The following SGCZ variants were observed in gnomAD, a reference collection of about 807,000 sequenced individuals.
The protein encoded by SGCZ is zeta-sarcoglycan.
A neutral mutation model predicts 41.3 loss-of-function variants in SGCZ; 40 were observed. The observed-to-expected ratio is 0.97, with a 90% confidence interval of 0.75 to 1.26. The LOEUF (loss-of-function observed/expected upper bound fraction) is 1.26. Ranked by LOEUF, SGCZ falls within the 50% of genes most tolerant of loss-of-function variation. The pLI is 0.00. For missense variants in SGCZ, 552 were observed against 369.8 expected, an observed-to-expected ratio of 1.49 and a Z score of -4.04; for synonymous variants, 206 against 137.5, an observed-to-expected ratio of 1.50 and a Z score of -3.49.
intron 2 of SGCZ, among the ~76,000 whole-genome samples, chr8:14,401,113 C>T (rs1049603036): frequency 1.3e-5 from 2 of 152,090 alleles, no homozygotes; most frequent in African/African-American, 4.8e-5. Flanking sequence ...GATACAGCTC[C>T]ATTTACACTT....
chr8:14,678,100 T>C (rs1027008325), intron 1 of SGCZ, among the ~76,000 whole-genome samples: 3 of 152,084 alleles, frequency 2.0e-5, no homozygotes, highest in African/African-American at 7.2e-5. Context: ...TCAAGTAACA[T>C]AGGAGAAAAT....
intron 7 of SGCZ, among the ~76,000 whole-genome samples, chr8:14,092,162 G>A (rs1432063185): frequency 2.0e-5 from 3 of 152,036 alleles, no homozygotes; most frequent in African/African-American, 4.8e-5. Flanking sequence ...CCTCTGTTCT[G>A]TTCCATTGGT....
chr8:14,210,532 G>C (rs34604718), intron 4 of SGCZ, among the ~76,000 whole-genome samples: 36,148 of 151,212 alleles, frequency 0.24, 5,548 homozygotes, highest in Non-Finnish European at 0.34. Context: ...GTGCGATCTC[G>C]GCTCACCACA....
chr8:14,108,823 G>A (rs1038862356), intron 5 of SGCZ, among the ~76,000 whole-genome samples: 21 of 152,262 alleles, frequency 1.4e-4, no homozygotes, highest in African/African-American at 4.1e-4. Flanking sequence ...ATTTATAAAA[G>A]TCAAAAGTCA....
chr8:14,532,657 G>T (rs190288979), intron 2 of SGCZ, among the ~76,000 whole-genome samples: 1 of 137,300 alleles, frequency 7.3e-6, no homozygotes, highest in Admixed American at 8.1e-5. Flanking sequence ...GGCTCATTGA[G>T]AGTTTAGGGA....
At chr8:14,217,688 G>A (rs1389532825) in intron 4 of SGCZ, among the ~76,000 whole-genome samples, 3 of 144,562 alleles carry the variant, frequency 2.1e-5, no homozygotes, top group African/African-American at 2.5e-5. Context: ...GGAGTGCAGC[G>A]GTGTGATCTC....
At chr8:14,796,827 G>T (rs1029134342) in intron 1 of SGCZ, among the ~76,000 whole-genome samples, 47 of 152,040 alleles carry the variant, frequency 3.1e-4, no homozygotes, top group Non-Finnish European at 2.9e-5. Context: ...CGTTGGTTTC[G>T]CCCATGCTAC....
At chr8:15,153,406 A>G (rs775411619) in intron 1 of SGCZ, among the ~76,000 whole-genome samples, 2 of 152,196 alleles carry the variant, frequency 1.3e-5, no homozygotes, top group Non-Finnish European at 2.9e-5. Context: ...TCACTTTAGT[A>G]ACGTGAGAAT....
At chr8:15,107,648 CT>C (rs142522582) in intron 1 of SGCZ, among the ~76,000 whole-genome samples, 4 of 151,990 alleles carry the variant, frequency 2.6e-5, no homozygotes, top group African/African-American at 9.7e-5. Context: ...CTACATAAAC[CT>C]TTTTTTTGTT....
intron 1 of SGCZ, among the ~76,000 whole-genome samples, chr8:14,613,523 G>C (rs1035404286): frequency 6.6e-6 from 1 of 152,054 alleles, no homozygotes; most frequent in Non-Finnish European, 1.5e-5. Context: ...CTTGCAAATA[G>C]TATTTTGTTT....
chr8:14,677,235 G>A (rs1209098958), intron 1 of SGCZ, among the ~76,000 whole-genome samples: 6 of 151,726 alleles, frequency 4.0e-5, no homozygotes, highest in African/African-American at 2.4e-5. Context: ...AAAATACTTA[G>A]AAGTAAATCT....
chr8:15,012,715 TA>T (rs1184597603), intron 1 of SGCZ, among the ~76,000 whole-genome samples: 2 of 144,154 alleles, frequency 1.4e-5, no homozygotes, highest in East Asian at 4.0e-4. Flanking sequence ...ATAAATGTTA[TA>T]AAGAGAAATA....
intron 2 of SGCZ, among the ~76,000 whole-genome samples, chr8:14,448,296 G>T (rs535921569): frequency 6.6e-6 from 1 of 152,236 alleles, no homozygotes; most frequent in East Asian, 1.9e-4. Flanking sequence ...TCATCAAAAC[G>T]AACTGCATGG....
intron 2 of SGCZ, among the ~76,000 whole-genome samples, chr8:14,464,952 G>A (rs1801007841): frequency 6.6e-6 from 1 of 151,298 alleles, no homozygotes; most frequent in Non-Finnish European, 1.5e-5. Context: ...CACTTTTTAT[G>A]GTATCTATAT....
intron 1 of SGCZ, among the ~76,000 whole-genome samples, chr8:15,031,622 C>A (rs555831556): frequency 6.6e-6 from 1 of 152,126 alleles, no homozygotes; most frequent in East Asian, 1.9e-4. Context: ...GTGAGGCTTC[C>A]CACACTGGCA....
intron 3 of SGCZ, among the ~76,000 whole-genome samples, chr8:14,244,396 T>C (rs1457423898): frequency 6.6e-6 from 1 of 152,176 alleles, no homozygotes; most frequent in Non-Finnish European, 1.5e-5. Context: ...GCTACGTCAT[T>C]CCTTTCCTTA....
chr8:14,468,463 CTT>C (rs935734847), intron 2 of SGCZ, among the ~76,000 whole-genome samples: 1 of 152,002 alleles, frequency 6.6e-6, no homozygotes, highest in African/African-American at 2.4e-5. Flanking sequence ...TTCAATGCCT[CTT>C]TTTAAAATGG....
intron 1 of SGCZ, among the ~76,000 whole-genome samples, chr8:14,997,069 T>C (rs993222879): frequency 6.6e-6 from 1 of 152,204 alleles, no homozygotes; most frequent in Non-Finnish European, 1.5e-5. Flanking sequence ...CTCTTTAAAA[T>C]TGAATCAATT....
intron 2 of SGCZ, among the ~76,000 whole-genome samples, chr8:14,539,233 T>G (rs368409513): frequency 2.0e-5 from 3 of 151,952 alleles, no homozygotes; most frequent in South Asian, 4.1e-4. Flanking sequence ...ACCTGAAGAT[T>G]TGGGACTTTT....
Sources: allele counts gnomAD v4.1 joint callset (sites outside exome capture counted in the v4.1 genomes callset), GRCh38; gene constraint gnomAD v4.1.1; transcripts MANE v1.5; gene names NCBI Gene and HGNC (gene_info 2026-07-23, HGNC 2026-07-21).